Variants in GMDS observed in about 807,000 individuals in gnomAD.
The protein encoded by GMDS is GDP-mannose 4,6 dehydratase.
Under a neutral mutation model 49.9 loss-of-function variants are expected in GMDS, and 20 were observed. The observed-to-expected ratio is 0.40, with a 90% CI of 0.28 to 0.58. The LOEUF (loss-of-function observed/expected upper bound fraction) is 0.58. GMDS is among the 20% of genes least tolerant of loss of function. The probability of loss-of-function intolerance (pLI) is 0.42; values close to 1 mark genes in which losing one functional copy is unlikely to be tolerated. For missense variants in GMDS, 362 were observed against 481.4 expected, an observed-to-expected ratio of 0.75 and a Z score of 2.32; for synonymous variants, 177 against 178.6, an observed-to-expected ratio of 0.99 and a Z score of 0.07.
intron 6 of GMDS, among the ~76,000 whole-genome samples, chr6:1,959,082 A>G (rs1763797779): frequency 6.6e-6 from 1 of 152,246 alleles, no homozygotes; most frequent in African/African-American, 2.4e-5. Flanking sequence ...TTAAGAGCTG[A>G]CTTCAAGGGA....
At chr6:2,066,863 A>C (rs1042605958) in intron 4 of GMDS, among the ~76,000 whole-genome samples, 1 of 151,870 alleles carries the variant, frequency 6.6e-6, no homozygotes, top group African/African-American at 2.4e-5. Context: ...AACGAGACAG[A>C]AAGTCAACAA....
In GMDS at chr6:1,941,586, C is replaced by T. The variant is rs114628264; in HGVS notation, c.644-11356G>A. On this transcript the variant is annotated intron_variant, in intron 6 of 10. Transcript: ENST00000380815. ...TCAAGAAAGAATGGGGGTGAGATTT[C>T]GTAGACAAGGAGCACAAACAGCTTC... Among the ~76,000 whole-genome samples the T allele has an allele frequency of 5.1e-3, 779 of 152,196 alleles. 6 individuals are homozygous for T. Among genetic ancestry groups the T allele is most frequent in the Non-Finnish European group, 7.3e-3 (494 of 68,012 alleles).
At chr6:2,148,181 TA>T (rs960647774) in intron 1 of GMDS, among the ~76,000 whole-genome samples, 2 of 152,138 alleles carry the variant, frequency 1.3e-5, no homozygotes, top group African/African-American at 4.8e-5. Context: ...TTTAGAGTAG[TA>T]AAACCTTAAG....
intron 4 of GMDS, among the ~76,000 whole-genome samples, chr6:2,073,088 G>A (rs1772110708): frequency 6.6e-6 from 1 of 152,182 alleles, no homozygotes. Flanking sequence ...AGTGCACAGG[G>A]AAAATTAACA....
At chr6:1,684,489 C>A (rs528339588) in intron 9 of GMDS, among the ~76,000 whole-genome samples, 2 of 152,122 alleles carry the variant, frequency 1.3e-5, no homozygotes, top group African/African-American at 2.4e-5. Flanking sequence ...TGCATCCACA[C>A]GAACGAAGAC....
At chr6:1,875,465 G>A (rs1052787522) in intron 7 of GMDS, among the ~76,000 whole-genome samples, 2 of 151,792 alleles carry the variant, frequency 1.3e-5, no homozygotes, top group South Asian at 2.1e-4. Context: ...ACACTCCCCC[G>A]CCGACACACA....
At chr6:1,658,411 C>A (rs568466234) in intron 9 of GMDS, among the ~76,000 whole-genome samples, 2 of 152,250 alleles carry the variant, frequency 1.3e-5, no homozygotes, top group African/African-American at 2.4e-5. Context: ...TGCTGGCATT[C>A]GGCCCTGCGC....
intron 8 of GMDS, among the ~76,000 whole-genome samples, chr6:1,735,725 C>T (rs1351173231): frequency 6.6e-6 from 1 of 152,198 alleles, no homozygotes; most frequent in Admixed American, 6.5e-5. Flanking sequence ...GGACAAGGTC[C>T]AGCTTACATC....
chr6:1,645,170 G>A (rs528507890), intron 9 of GMDS, among the ~76,000 whole-genome samples: 1 of 152,048 alleles, frequency 6.6e-6, no homozygotes, highest in Middle Eastern at 3.4e-3. Flanking sequence ...TCCTGACCTC[G>A]TAATTCACCC....
chr6:2,046,127 C>T (rs891642400), intron 4 of GMDS, among the ~76,000 whole-genome samples: 10 of 152,090 alleles, frequency 6.6e-5, no homozygotes, highest in Non-Finnish European at 1.2e-4. Context: ...GTGGGAGGAT[C>T]GCTTGAGCCC....
chr6:1,836,852 GA>G lies in GMDS; in HGVS notation c.771+93250del, dbSNP rs1756950691. Among the ~76,000 whole-genome samples the G allele has an allele frequency of 6.6e-6, 1 of 152,200 alleles. No individual in the cohort carries two copies. Among genetic ancestry groups the G allele is most frequent in the Non-Finnish European group, 1.5e-5 (1 of 68,028 alleles). On this transcript the variant is annotated intron_variant, in intron 7 of 10. Transcript: ENST00000380815. This position sits in a 1 kb window ranked among gnomAD's most constrained non-coding sequence, Gnocchi z 4.2. ...TTCTGTGCAGAGCAAGAGCTGTCAGGAAAAAGGTAATGAAGAAGAATAGCTT... is the reference window on the plus strand; with the variant it reads ...TTCTGTGCAGAGCAAGAGCTGTCAGGAAAAGGTAATGAAGAAGAATAGCTT...
intron 7 of GMDS, among the ~76,000 whole-genome samples, chr6:1,885,774 G>A (rs1759572728): frequency 6.6e-6 from 1 of 152,176 alleles, no homozygotes; most frequent in African/African-American, 2.4e-5. Flanking sequence ...CACAAACCTT[G>A]TTTAAACTAC....
At chr6:1,869,633 C>T (rs1278009365) in intron 7 of GMDS, among the ~76,000 whole-genome samples, 1 of 152,132 alleles carries the variant, frequency 6.6e-6, no homozygotes, top group Non-Finnish European at 1.5e-5. Flanking sequence ...GAAAAACCTG[C>T]GACCATTTTA....
At chr6:2,206,924 A>C (rs184616559) in intron 1 of GMDS, among the ~76,000 whole-genome samples, 85 of 152,342 alleles carry the variant, frequency 5.6e-4, no homozygotes, top group Non-Finnish European at 9.8e-4. Context: ...ATGAAGGGAG[A>C]ATAAGCACAG....
rs750279353 is a variant in GMDS, at chr6:1,833,310, C to T, written c.772-90724G>A. On this transcript the variant is annotated intron_variant, in intron 7 of 10. Coordinates refer to ENST00000380815, the MANE Select transcript of GMDS (RefSeq NM_001500.4). The surrounding 1 kb of genome is among the most constrained non-coding windows in gnomAD (Gnocchi z 4.4). ...GGAGGCCCCAGAACAACACTGGACA[C>T]ATCAAATGTCCTCCCTTCCTTCATA... is the stretch of plus-strand genomic sequence containing the variant. 2.3e-4 allele frequency among the ~76,000 whole-genome samples: 35 copies of T among 151,686 alleles called. No homozygotes were observed. Among genetic ancestry groups the T allele is most frequent in the Non-Finnish European group, 5.9e-5 (4 of 67,956 alleles).
chr6:1,921,199 A>C (rs192286017), intron 7 of GMDS, among the ~76,000 whole-genome samples: 58 of 152,244 alleles, frequency 3.8e-4, no homozygotes, highest in Non-Finnish European at 6.8e-4. Context: ...CTCCATACAT[A>C]CCCTGGCCAA....
chr6:2,231,601 AG>A (rs1274327299), intron 1 of GMDS, among the ~76,000 whole-genome samples: 1 of 152,194 alleles, frequency 6.6e-6, no homozygotes, highest in Non-Finnish European at 1.5e-5. Flanking sequence ...AGCATGCCAA[AG>A]GAAGTGGTTA....
intron 2 of GMDS, among the ~76,000 whole-genome samples, chr6:2,121,650 A>G (rs919325814): frequency 6.6e-6 from 1 of 152,244 alleles, no homozygotes; most frequent in African/African-American, 2.4e-5. Flanking sequence ...ATCTGTTAGT[A>G]CACGCTATTG....
At chr6:1,838,004 C>T (rs1187033299) in intron 7 of GMDS, among the ~76,000 whole-genome samples, 1 of 152,160 alleles carries the variant, frequency 6.6e-6, no homozygotes, top group Non-Finnish European at 1.5e-5. Context: ...GCAAAAGGTG[C>T]ATGAAGGTCA....
Sources: allele counts gnomAD v4.1 joint callset (sites outside exome capture counted in the v4.1 genomes callset), GRCh38; gene constraint gnomAD v4.1.1; non-coding constraint Gnocchi (gnomAD v3.1); transcripts MANE v1.5; gene names NCBI Gene and HGNC (gene_info 2026-07-23, HGNC 2026-07-21).